The following SCN11A variants were observed in gnomAD, a reference collection of about 807,000 sequenced individuals.
The protein encoded by SCN11A is sodium voltage-gated channel alpha subunit 11.
A neutral mutation model predicts 162.2 loss-of-function variants in SCN11A; 122 were observed. That is an observed-to-expected ratio of 0.75 (90% CI 0.65 to 0.87). SCN11A has a LOEUF of 0.87. Among genes scored for constraint, SCN11A ranks in the 40% least tolerant of loss-of-function variants. SCN11A has a pLI of 0.00. For missense variants in SCN11A, 2,015 were observed against 2,181.6 expected, an observed-to-expected ratio of 0.92 and a Z score of 1.52; for synonymous variants, 758 against 751.5, an observed-to-expected ratio of 1.01 and a Z score of -0.14.
chr3:38,852,665 C>T (rs1196286756), intron 28 of SCN11A, among the ~76,000 whole-genome samples: 9 of 152,180 alleles, frequency 5.9e-5, no homozygotes, highest in African/African-American at 9.7e-5. Flanking sequence ...CATCAATGCT[C>T]AGGCTAAAAC....
At chr3:38,988,033 G>A (rs1291106202) in intron 2 of SCN11A, among the ~76,000 whole-genome samples, 2 of 141,922 alleles carry the variant, frequency 1.4e-5, no homozygotes, top group African/African-American at 3.0e-5. Context: ...AATTTGTGGC[G>A]CCCGGTGCAA....
chr3:38,876,104 T>C (rs1393188988), intron 23 of SCN11A, among the ~76,000 whole-genome samples: 4 of 151,792 alleles, frequency 2.6e-5, no homozygotes, highest in African/African-American at 9.7e-5. Flanking sequence ...AAAACATAAA[T>C]TGGGAAAAGA....
At chr3:38,944,170 T>C (rs36060249) in intron 7 of SCN11A, among the ~76,000 whole-genome samples, 16,561 of 152,244 alleles carry the variant, frequency 0.11, 986 homozygotes, top group Middle Eastern at 0.16. Flanking sequence ...TTTAACTCCA[T>C]AAATTAGAGA....
At chr3:38,906,686 T>C (rs1446724520) in intron 14 of SCN11A, among the ~76,000 whole-genome samples, 1 of 152,206 alleles carries the variant, frequency 6.6e-6, no homozygotes, top group African/African-American at 2.4e-5. Context: ...GCCTCTTAAC[T>C]GGTCGCCTCC....
At chr3:38,895,283 T>C (rs771323388) in intron 18 of SCN11A, among the ~76,000 whole-genome samples, 1 of 152,174 alleles carries the variant, frequency 6.6e-6, no homozygotes, top group African/African-American at 2.4e-5. Context: ...TGAGAGTACA[T>C]TTCTTGAGGA....
intron 7 of SCN11A, among the ~76,000 whole-genome samples, chr3:38,933,559 G>A (rs957460193): frequency 8.5e-5 from 13 of 152,182 alleles, no homozygotes; most frequent in African/African-American, 9.7e-5. Context: ...GCCAAGGCTC[G>A]AGAACTACGT....
At chr3:38,864,449 G>C (rs551990089) in intron 27 of SCN11A, among the ~76,000 whole-genome samples, 5 of 152,096 alleles carry the variant, frequency 3.3e-5, no homozygotes, top group Non-Finnish European at 7.4e-5. Flanking sequence ...GTGAGATAAA[G>C]AAAATGAGTA....
At position 38,850,591 on chromosome 3, in the gene SCN11A, A is replaced by G. The variant is rs767851344; in HGVS notation, c.4217T>C (p.Val1406Ala). 8.1e-6 allele frequency: 13 copies of G among 1,614,016 alleles called. No individual in the cohort carries two copies. Among genetic ancestry groups the G allele is most frequent in the Non-Finnish European group, 1.1e-5 (13 of 1,179,906 alleles). The part of the protein sequence containing the change: ...SILDHLNWVF[V>A]VIFTLECLIK... ...GAGACATTCTAACGTAAAGATGACC[A>G]CAAAGACCCAGTTGAGATGGTCAAG... is the stretch of plus-strand genomic sequence containing the variant. The change falls in exon 29 of 30, where the codon GTG (valine) becomes GCG (alanine). Residue 1406 changes from valine (V) to alanine (A), a missense_variant. Transcript: ENST00000302328.
chr3:38,852,616 T>A lies in SCN11A; in HGVS notation c.4057-1865A>T, dbSNP rs550923088. 4.6e-5 allele frequency among the ~76,000 whole-genome samples: 7 copies of A among 152,334 alleles called. No homozygotes were observed. The East Asian group carries it at 1.3e-3, about 29-fold the overall frequency. On this transcript the variant is annotated intron_variant, in intron 28 of 29. Transcript: ENST00000302328. ...GAAGATGCTTCAGGAGAAATCGAAGTGATTCCAAACCCCTTGTTCTATTAC... is the reference window on the plus strand; with the variant it reads ...GAAGATGCTTCAGGAGAAATCGAAGAGATTCCAAACCCCTTGTTCTATTAC...
chr3:38,879,361 A>G (rs1200706233), intron 23 of SCN11A, among the ~76,000 whole-genome samples: 1 of 152,218 alleles, frequency 6.6e-6, no homozygotes, highest in Admixed American at 6.6e-5. Flanking sequence ...ATACAGCTAG[A>G]CACGTGAATC....
At chr3:38,944,130 C>T (rs1366224839) in intron 7 of SCN11A, among the ~76,000 whole-genome samples, 5 of 151,918 alleles carry the variant, frequency 3.3e-5, no homozygotes, top group Admixed American at 3.3e-4. Flanking sequence ...TAAGTCTAAC[C>T]CATCTGGAAA....
rs373414732 is a variant in SCN11A, at chr3:38,864,067, G to A, written c.3952-768C>T. On this transcript the variant is annotated intron_variant, in intron 27 of 29. Transcript: ENST00000302328. ...GGGGGTAATGGGAAATAAGGCCTAC[G>A]CAAAGACAGGAGAGGCACAGATGTC... Among the ~76,000 whole-genome samples the A allele has an allele frequency of 3.0e-4, 46 of 152,146 alleles. 1 individual carries two copies. In the East Asian group the frequency reaches 8.3e-3, roughly 27 times the overall value.
chr3:38,866,717 T>C (rs774795514), intron 27 of SCN11A, among the ~76,000 whole-genome samples: 1 of 152,170 alleles, frequency 6.6e-6, no homozygotes, highest in Non-Finnish European at 1.5e-5. Context: ...CTTTGGGTGA[T>C]TTAAATTTTC....
chr3:39,036,755 C>G (rs1418884085), intron 1 of SCN11A, among the ~76,000 whole-genome samples: 1 of 152,180 alleles, frequency 6.6e-6, no homozygotes, highest in African/African-American at 2.4e-5. Flanking sequence ...CATCACTGAT[C>G]ATCAAAGAAA....
chr3:39,008,184 A>G (rs1012496853), intron 2 of SCN11A, among the ~76,000 whole-genome samples: 3 of 152,244 alleles, frequency 2.0e-5, no homozygotes, highest in Non-Finnish European at 2.9e-5. Context: ...ACTTCTCAAT[A>G]GCAACATTGG....
At chr3:38,992,780 A>C (rs1179136591) in intron 2 of SCN11A, among the ~76,000 whole-genome samples, 2 of 152,232 alleles carry the variant, frequency 1.3e-5, no homozygotes, top group East Asian at 3.8e-4. Flanking sequence ...CAAGCATCAT[A>C]TCTCCCAGCT....
chr3:38,954,651 C>T (rs377484572), intron 3 of SCN11A, among the ~76,000 whole-genome samples: 2 of 151,274 alleles, frequency 1.3e-5, no homozygotes, highest in African/African-American at 4.9e-5. Context: ...AACAAACAAA[C>T]AAAAAAACAA....
chr3:38,904,506 A>C (rs1237526246), intron 15 of SCN11A, among the ~76,000 whole-genome samples: 4 of 152,172 alleles, frequency 2.6e-5, no homozygotes, highest in Non-Finnish European at 4.4e-5. Flanking sequence ...CCAGGGCTCA[A>C]GGGAAGGGGC....
At chr3:38,854,335 T>C (rs1371882340) in intron 28 of SCN11A, among the ~76,000 whole-genome samples, 2 of 152,196 alleles carry the variant, frequency 1.3e-5, no homozygotes, top group South Asian at 2.1e-4. Flanking sequence ...ATCCCTGATA[T>C]ACAAAGTTTA....
Sources: gnomAD v4.1 joint callset for allele counts (sites outside exome capture counted in the v4.1 genomes callset) on GRCh38, gnomAD v4.1.1 for gene constraint, MANE v1.5 for transcripts, NCBI Gene and HGNC (gene_info 2026-07-23, HGNC 2026-07-21) for gene names.